The following TRAPPC12 variants were observed in gnomAD, a reference collection of about 807,000 sequenced individuals.
The protein encoded by TRAPPC12 is trafficking protein particle complex subunit 12.
In TRAPPC12, 61 loss-of-function variants were observed where a neutral mutation model predicts 69.2. That is an observed-to-expected ratio of 0.88 (90% CI 0.72 to 1.09). The LOEUF is 1.09. Among genes scored for constraint, TRAPPC12 ranks in the 50% least tolerant of loss-of-function variants. TRAPPC12 has a pLI of 0.00. For synonymous variants in TRAPPC12, 469 were observed against 438.9 expected, an observed-to-expected ratio of 1.07 and a Z score of -0.86; for missense variants, 1,101 against 1,016.4, an observed-to-expected ratio of 1.08 and a Z score of -1.13.
intron 6 of TRAPPC12, among the ~76,000 whole-genome samples, chr2:3,444,205 A>G (rs1391450055): frequency 4.6e-5 from 7 of 152,246 alleles, no homozygotes; most frequent in Admixed American, 4.6e-4. Flanking sequence ...TCAGTGTGCC[A>G]GACCACCCCT....
chr2:3,477,613 CATG>C, intron 9 of TRAPPC12, 79 bp from the exon 10 acceptor site: 1 of 716,408 alleles, frequency 1.4e-6, no homozygotes, highest in East Asian at 2.9e-5. Flanking sequence ...CATATTCTAA[CATG>C]ATATTAGGGA....
chr2:3,442,895 C>T (rs931178637), intron 5 of TRAPPC12, among the ~76,000 whole-genome samples: 3 of 152,348 alleles, frequency 2.0e-5, no homozygotes, highest in South Asian at 2.1e-4. Flanking sequence ...TTTTGAAAAG[C>T]ACTTTACTGA....
At chr2:3,453,760 ACT>A (rs1399400967) in intron 6 of TRAPPC12, among the ~76,000 whole-genome samples, 3 of 152,152 alleles carry the variant, frequency 2.0e-5, no homozygotes, top group African/African-American at 7.2e-5. Context: ...CAAACGACAC[ACT>A]GTCGGGCTTT....
chr2:3,396,153 C>A (rs956121428), intron 2 of TRAPPC12, among the ~76,000 whole-genome samples: 2 of 152,210 alleles, frequency 1.3e-5, no homozygotes, highest in Non-Finnish European at 1.5e-5. Context: ...GCATGAGCCA[C>A]CATGCCCAGC....
intron 3 of TRAPPC12, among the ~76,000 whole-genome samples, chr2:3,403,687 T>G (rs575742940): frequency 3.2e-4 from 48 of 152,356 alleles, no homozygotes; most frequent in African/African-American, 1.2e-3. Flanking sequence ...TAAAGTTTAT[T>G]TTGGAGTAGC....
rs1664505270 is a variant in TRAPPC12 at position 3,446,344 on chromosome 2, A to G, written c.1530+2453A>G. ...AGGTGTGTGTTGGTCTTCACCTTAA[A>G]GGATTTTCACCGTTAATTTCAATAT... On this transcript the variant is annotated intron_variant, in intron 6 of 11. Coordinates refer to ENST00000324266, the MANE Select transcript of TRAPPC12 (RefSeq NM_016030.6). Among the ~76,000 whole-genome samples the G allele has an allele frequency of 2.6e-5, 4 of 152,210 alleles. No homozygotes were observed. The South Asian group carries it at 8.3e-4, about 31-fold the overall frequency.
chr2:3,388,661 C>G lies in TRAPPC12; in HGVS notation c.1038C>G (p.Asp346Glu), dbSNP rs372341683. The G allele has an allele frequency of 5.1e-6, 8 of 1,559,058 alleles. No homozygotes were observed. The African/African-American group carries it at 1.1e-4, about 21-fold the overall frequency. Residue 346 changes from aspartate to glutamate, a missense_variant, in exon 2 of 12, where the codon GAC (aspartate) becomes GAG (glutamate). By Grantham distance (45) the Asp-to-Glu change is conservative (BLOSUM62 2). Coordinates refer to ENST00000324266, the MANE Select transcript of TRAPPC12 (RefSeq NM_016030.6). ...TCACCATGCCGGGCCTCAGGTTCGA[C>G]AACATCCAGGTGAGCCCGGGTCTCC... ...ENLTMPGLRFDNIQGDAVKDL... is the reference protein window; with the variant it reads ...ENLTMPGLRFENIQGDAVKDL...
intron 5 of TRAPPC12, among the ~76,000 whole-genome samples, chr2:3,430,561 C>T (rs6548162): frequency 0.66 from 100,065 of 152,204 alleles, 33,331 homozygotes; most frequent in African/African-American, 0.77. Context: ...TTCTATATAG[C>T]AGGTATTTAA....
intron 2 of TRAPPC12, among the ~76,000 whole-genome samples, chr2:3,398,750 A>G (rs1309728041): frequency 6.6e-6 from 1 of 152,216 alleles, no homozygotes; most frequent in African/African-American, 2.4e-5. Flanking sequence ...GCTCCTCCAT[A>G]AATGCACCTG....
At chr2:3,479,159 G>T in intron 11 of TRAPPC12, 60 bp from the exon 12 acceptor site, 1 of 1,578,402 alleles carries the variant, frequency 6.3e-7, no homozygotes, top group South Asian at 1.2e-5. Context: ...ACGCAGCCTG[G>T]AATGGGCGGG....
chr2:3,393,287 A>G (rs1055323601), intron 2 of TRAPPC12, among the ~76,000 whole-genome samples: 1 of 144,204 alleles, frequency 6.9e-6, no homozygotes, highest in Non-Finnish European at 1.5e-5. Context: ...TCTCATTTAC[A>G]TGTGGAATCT....
intron 2 of TRAPPC12, among the ~76,000 whole-genome samples, chr2:3,390,999 A>T (rs1399650345): frequency 1.3e-5 from 2 of 152,218 alleles, no homozygotes; most frequent in Non-Finnish European, 2.9e-5. Flanking sequence ...AATGAGGTTC[A>T]TCTCATACTG....
chr2:3,445,701 A>T (rs964656342), intron 6 of TRAPPC12, among the ~76,000 whole-genome samples: 1 of 152,260 alleles, frequency 6.6e-6, no homozygotes, highest in African/African-American at 2.4e-5. Context: ...AACCCAAGTC[A>T]TCTGGCTCTA....
Position 3,479,270 on chromosome 2 carries a change from T to A in TRAPPC12, c.2017T>A (p.Ser673Thr). ...CLLYLGKLKD[S>T]LRQLEAMVQQ... Reference sequence around the variant, plus strand: ...GCTCTACCTGGGCAAGCTCAAGGACTCCCTGCGGCAGCTGGAGGCCATGGT... The same window carrying A: ...GCTCTACCTGGGCAAGCTCAAGGACACCCTGCGGCAGCTGGAGGCCATGGT... Residue 673 changes from serine to threonine, a missense_variant, in exon 12 of 12, where the codon TCC becomes ACC. Transcript: ENST00000324266. The A allele has an allele frequency of 6.2e-7, 1 of 1,614,164 alleles. No individual in the cohort carries two copies.
chr2:3,451,887 T>C (rs1231126507), intron 6 of TRAPPC12, among the ~76,000 whole-genome samples: 2 of 152,200 alleles, frequency 1.3e-5, no homozygotes. Flanking sequence ...GTGGCCTCAA[T>C]ACACTATTCC....
chr2:3,395,944 G>C (rs1661104467), intron 2 of TRAPPC12, among the ~76,000 whole-genome samples: 1 of 152,066 alleles, frequency 6.6e-6, no homozygotes, highest in Admixed American at 6.6e-5. Flanking sequence ...TGGTCAGGCT[G>C]GTCTCAATCT....
chr2:3,420,266 G>A (rs911264551), intron 3 of TRAPPC12, among the ~76,000 whole-genome samples: 3 of 152,166 alleles, frequency 2.0e-5, no homozygotes, highest in Admixed American at 6.5e-5. Flanking sequence ...CTGGTGGCTT[G>A]CAGCAGGTCA....
chr2:3,443,851 C>T lies in TRAPPC12; in HGVS notation c.1490C>T (p.Ser497Leu), dbSNP rs753105445. ...CAGTACCTGGGGAACCCACAGGAGT[C>T]GCTGGATAGACTGCACAAGGTGAAG... The part of the protein sequence containing the change: ...LQQYLGNPQE[S>L]LDRLHKVKTV... Residue 497 changes from serine (S) to leucine (L), a missense_variant, in exon 6 of 12, where the codon TCG (serine) becomes TTG (leucine). Ser to Leu is a moderately radical substitution (Grantham distance 145, BLOSUM62 -2). Coordinates refer to ENST00000324266, the MANE Select transcript of TRAPPC12 (RefSeq NM_016030.6). The T allele has an allele frequency of 1.1e-5, 17 of 1,614,068 alleles. No individual in the cohort carries two copies. The highest frequency in any genetic ancestry group is 1.4e-5 in the Non-Finnish European group (16 of 1,180,016).
intron 6 of TRAPPC12, among the ~76,000 whole-genome samples, chr2:3,445,215 A>G (rs895923763): frequency 6.6e-6 from 1 of 151,986 alleles, no homozygotes; most frequent in Non-Finnish European, 1.5e-5. Flanking sequence ...TTTCAGAATT[A>G]TGCTCCTTAA....
Sources: allele counts gnomAD v4.1 joint callset (sites outside exome capture counted in the v4.1 genomes callset), GRCh38; gene constraint gnomAD v4.1.1; transcripts MANE v1.5; gene names NCBI Gene and HGNC (gene_info 2026-07-23, HGNC 2026-07-21).